The following SH3PXD2A variants were observed in gnomAD, a reference collection of about 807,000 sequenced individuals.
SH3PXD2A encodes SH3 and PX domain-containing protein 2A.
In SH3PXD2A, 32 loss-of-function variants were observed where a neutral mutation model predicts 115.2. The observed-to-expected ratio is 0.28, with a 90% CI of 0.21 to 0.37. The LOEUF (loss-of-function observed/expected upper bound fraction) is 0.37, where lower values mean the gene tolerates loss of function less well. Among genes scored for constraint, SH3PXD2A ranks in the 10% least tolerant of loss-of-function variants. The probability of loss-of-function intolerance (pLI) is 1.00; values close to 1 mark genes in which losing one functional copy is unlikely to be tolerated. For missense variants in SH3PXD2A, 1,328 were observed against 1,498.7 expected, an observed-to-expected ratio of 0.89 and a Z score of 1.88; for synonymous variants, 610 against 629.1, an observed-to-expected ratio of 0.97 and a Z score of 0.45.
intron 3 of SH3PXD2A, among the ~76,000 whole-genome samples, chr10:103,736,108 C>T (rs1212909152): frequency 6.6e-6 from 1 of 152,188 alleles, no homozygotes; most frequent in Admixed American, 6.5e-5. Context: ...AATGAATGCC[C>T]GGAGTGGGTG....
chr10:103,808,163 G>A (rs2039226214), intron 1 of SH3PXD2A, among the ~76,000 whole-genome samples: 1 of 152,038 alleles, frequency 6.6e-6, no homozygotes, highest in African/African-American at 2.4e-5. Context: ...TACATCAAAC[G>A]CCGGCCCAGA....
chr10:103,809,848 C>CTTT (rs35539727), intron 1 of SH3PXD2A, among the ~76,000 whole-genome samples: 2 of 145,994 alleles, frequency 1.4e-5, no homozygotes, highest in East Asian at 2.0e-4. Flanking sequence ...CCACACTAGG[C>CTTT]TTTTTTTTTT....
At chr10:103,693,533 C>G (rs1004131588) in intron 5 of SH3PXD2A, 1 of 152,034 alleles carries the variant, frequency 6.6e-6, no homozygotes, top group South Asian at 2.1e-4. Flanking sequence ...GGAGGTGAAC[C>G]CAGCCTACTC....
chr10:103,707,898 C>T (rs1269429485), intron 5 of SH3PXD2A, among the ~76,000 whole-genome samples: 1 of 152,172 alleles, frequency 6.6e-6, no homozygotes, highest in Non-Finnish European at 1.5e-5. Context: ...CAAGCCTGCA[C>T]TCAAGGTCAC....
chr10:103,600,436 G>A lies in SH3PXD2A; in HGVS notation c.*1380C>T, dbSNP rs2036198859. On this transcript the variant is annotated 3_prime_UTR_variant, in exon 15 of 15. Coordinates refer to ENST00000369774, the MANE Select transcript of SH3PXD2A (RefSeq NM_001394015.1). ...GCATTGCCAGCAGGCCAGAGGGGGT[G>A]GCTGGCGGTGTTGGCTCCAGTCTGA... 1 of 152,250 alleles carries A rather than the reference G, an allele frequency of 6.6e-6. No individual in the cohort carries two copies. The highest frequency in any genetic ancestry group is 1.5e-5 in the Non-Finnish European group (1 of 68,052). The allele number at this position is 152,250 out of a possible 1,614,324, so 9.4% of individuals were successfully genotyped here.
intron 1 of SH3PXD2A, among the ~76,000 whole-genome samples, chr10:103,827,275 C>T (rs1399362820): frequency 6.6e-6 from 1 of 152,264 alleles, no homozygotes; most frequent in East Asian, 1.9e-4. Flanking sequence ...TGCTGCTCCT[C>T]AGGCCCACTC....
intron 7 of SH3PXD2A, among the ~76,000 whole-genome samples, chr10:103,663,239 G>A (rs995693798): frequency 2.6e-5 from 4 of 152,142 alleles, no homozygotes; most frequent in African/African-American, 7.2e-5. Flanking sequence ...TTCCCCACAC[G>A]CCTGAGTTTG....
In SH3PXD2A at chr10:103,602,512, A is replaced by G. The variant is rs767905230; in HGVS notation, c.2706T>C (p.Pro902=). ...TGTCCAGCTCTTTGCCAGAGGGGTC[A>G]GGTTGCTCGTTCTCATCCAGCACCA... The part of the protein sequence containing the change: ...HYLVLDENEQ[P]DPSGKELDTV... The change falls in exon 15 of 15, where the codon CCT becomes CCC. Residue 902 remains proline (P), a synonymous_variant. Transcript: ENST00000369774. The G allele has an allele frequency of 2.5e-6, 4 of 1,614,140 alleles. No individual in the cohort carries two copies. Among genetic ancestry groups the G allele is most frequent in the Admixed American group, 3.3e-5 (2 of 60,026 alleles).
At chr10:103,633,727 CAAAAAA>C (rs35917262) in intron 8 of SH3PXD2A, among the ~76,000 whole-genome samples, 2,638 of 74,140 alleles carry the variant, frequency 0.036, 77 homozygotes, top group African/African-American at 0.13. Context: ...GATTCTGTCT[CAAAAAA>C]AAAAAAAAAA....
chr10:103,807,782 C>T (rs553931755), intron 1 of SH3PXD2A, among the ~76,000 whole-genome samples: 297 of 152,272 alleles, frequency 2.0e-3, no homozygotes, highest in South Asian at 5.0e-3. Flanking sequence ...CCCAAATCTT[C>T]GGAGTCTGGG....
chr10:103,817,119 C>G (rs918607306), intron 1 of SH3PXD2A, among the ~76,000 whole-genome samples: 38 of 150,352 alleles, frequency 2.5e-4, no homozygotes, highest in African/African-American at 9.0e-4. Context: ...GTTCGGATTA[C>G]AGGTGTGAGC....
At chr10:103,718,805 A>G (rs2038141468) in intron 5 of SH3PXD2A, among the ~76,000 whole-genome samples, 1 of 148,742 alleles carries the variant, frequency 6.7e-6, no homozygotes, top group African/African-American at 2.5e-5. Flanking sequence ...ACACGCACAT[A>G]CACCCCTATT....
intron 3 of SH3PXD2A, among the ~76,000 whole-genome samples, chr10:103,742,193 T>C (rs1349504442): frequency 3.3e-5 from 5 of 151,930 alleles, no homozygotes; most frequent in Non-Finnish European, 7.4e-5. Context: ...GTTCTGGAGG[T>C]CAGAAGTCTG....
At chr10:103,742,970 C>G (rs992806566) in intron 3 of SH3PXD2A, among the ~76,000 whole-genome samples, 2 of 152,012 alleles carry the variant, frequency 1.3e-5, no homozygotes, top group African/African-American at 4.8e-5. Flanking sequence ...GGGTGACACG[C>G]ATGCTCGTGG....
intron 1 of SH3PXD2A, among the ~76,000 whole-genome samples, chr10:103,825,175 G>A (rs550059318): frequency 6.5e-4 from 99 of 152,254 alleles, no homozygotes; most frequent in African/African-American, 2.3e-3. Flanking sequence ...ATTTGGAGAG[G>A]CATTTATACT....
intron 1 of SH3PXD2A, among the ~76,000 whole-genome samples, chr10:103,820,159 C>G (rs2039363599): frequency 6.6e-6 from 1 of 152,210 alleles, no homozygotes; most frequent in Non-Finnish European, 1.5e-5. Flanking sequence ...GGCACCGGAT[C>G]TGAGAGCAAA....
intron 5 of SH3PXD2A, among the ~76,000 whole-genome samples, chr10:103,721,342 G>T (rs2038179736): frequency 1.3e-5 from 2 of 152,202 alleles, no homozygotes; most frequent in South Asian, 4.1e-4. Flanking sequence ...AAGTGGCAGG[G>T]CCTGGCCCCA....
chr10:103,835,838 T>C (rs529733622), intron 1 of SH3PXD2A, among the ~76,000 whole-genome samples: 1 of 152,296 alleles, frequency 6.6e-6, no homozygotes, highest in East Asian at 1.9e-4. Context: ...ACTTCCTCCT[T>C]GGCCTTCACT....
At chr10:103,672,387 C>T (rs1039962292) in intron 6 of SH3PXD2A, among the ~76,000 whole-genome samples, 4 of 152,336 alleles carry the variant, frequency 2.6e-5, no homozygotes, top group Middle Eastern at 3.4e-3. Context: ...AGTTGTCTGA[C>T]GTTCTAGACC....
Sources: allele counts gnomAD v4.1 joint callset (sites outside exome capture counted in the v4.1 genomes callset), GRCh38; gene constraint gnomAD v4.1.1; transcripts MANE v1.5; gene names NCBI Gene and HGNC (gene_info 2026-07-23, HGNC 2026-07-21).